TANC1: variants seen among roughly 807,000 people sequenced by gnomAD.
TANC1 encodes the protein tetratricopeptide repeat, ankyrin repeat and coiled-coil containing 1, also known as protein TANC1.
Under a neutral mutation model 149.7 loss-of-function variants are expected in TANC1, and 77 were observed. The ratio of observed to expected loss-of-function variants is 0.51; its 90% CI spans 0.43 to 0.62. The LOEUF (loss-of-function observed/expected upper bound fraction) is 0.62, where lower values mean the gene tolerates loss of function less well. Among genes scored for constraint, TANC1 ranks in the 20% least tolerant of loss-of-function variants. The pLI is 0.00. For missense variants in TANC1, 1,985 were observed against 2,321.8 expected, an observed-to-expected ratio of 0.85 and a Z score of 2.98; for synonymous variants, 854 against 925.0, an observed-to-expected ratio of 0.92 and a Z score of 1.39.
At chr2:159,040,018 T>G (rs1184743922) in intron 2 of TANC1, among the ~76,000 whole-genome samples, 4 of 152,236 alleles carry the variant, frequency 2.6e-5, no homozygotes, top group Admixed American at 2.6e-4. Flanking sequence ...GGACTTGCTT[T>G]ATGAATCTGG....
intron 1 of TANC1, among the ~76,000 whole-genome samples, chr2:158,978,535 A>C (rs1385502514): frequency 6.6e-6 from 1 of 152,194 alleles, no homozygotes; most frequent in African/African-American, 2.4e-5. Context: ...TTCAAGGGAG[A>C]GTCCTTGTGG....
chr2:159,141,799 A>C (rs2051401996), intron 5 of TANC1, among the ~76,000 whole-genome samples: 1 of 152,212 alleles, frequency 6.6e-6, no homozygotes, highest in East Asian at 1.9e-4. Context: ...ACTAAGGTGC[A>C]AGGAGCACCA....
At chr2:158,988,023 T>C (rs2035204748) in intron 1 of TANC1, among the ~76,000 whole-genome samples, 1 of 152,154 alleles carries the variant, frequency 6.6e-6, no homozygotes, top group South Asian at 2.1e-4. Context: ...TTGTGGTTGA[T>C]GGTTATCAAG....
intron 4 of TANC1, among the ~76,000 whole-genome samples, chr2:159,115,187 TGTGTGTGTGTATGTGTGTCC>T (rs2048120181): frequency 2.6e-5 from 4 of 151,884 alleles, no homozygotes; most frequent in South Asian, 2.1e-4. Context: ...TGTGTGTGTG[TGTGTGTGTGTATGTGTGTCC>T]GTGTGTGTGT....
chr2:159,208,109 A>G (rs1228865042), intron 19 of TANC1, among the ~76,000 whole-genome samples: 1 of 152,208 alleles, frequency 6.6e-6, no homozygotes, highest in Non-Finnish European at 1.5e-5. Flanking sequence ...CACCTGGTTC[A>G]AAAGGTTCTT....
intron 11 of TANC1, 85 bp downstream of exon 11, chr2:159,172,357 T>C: frequency 7.9e-7 from 1 of 1,273,436 alleles, no homozygotes; most frequent in Non-Finnish European, 1.1e-6. Context: ...AAAGGGAGCT[T>C]AAAACAGAGA....
At chr2:159,007,988 A>G (rs2037387098) in intron 2 of TANC1, among the ~76,000 whole-genome samples, 1 of 152,232 alleles carries the variant, frequency 6.6e-6, no homozygotes, top group Non-Finnish European at 1.5e-5. Flanking sequence ...ATTTTCTAAG[A>G]TTGTCAATCC....
intron 3 of TANC1, among the ~76,000 whole-genome samples, chr2:159,075,410 A>C (rs551254523): frequency 1.8e-5 from 2 of 111,282 alleles, no homozygotes; most frequent in East Asian, 4.6e-4. Flanking sequence ...TATTAAAAAA[A>C]AAAAACAAAA....
At chr2:159,187,309 C>A (rs1361224131) in intron 16 of TANC1, among the ~76,000 whole-genome samples, 1 of 152,198 alleles carries the variant, frequency 6.6e-6, no homozygotes. Context: ...CAAAAGAAAT[C>A]AAAGATCAGA....
At position 159,219,552 on chromosome 2, in the gene TANC1, G is replaced by A. The variant is rs114695325; in HGVS notation, c.3503-140G>A. 8.1e-4 allele frequency: 1,037 copies of A among 1,277,712 alleles called. 10 individuals carry two copies. The African/African-American group carries it at 0.014, about 17-fold the overall frequency. 79.1% of individuals were successfully genotyped at this position (1,277,712 alleles called of 1,614,324 possible). On this transcript the variant is annotated intron_variant, in intron 21 of 26. Transcript: ENST00000263635. ...TTCAGCAGCGATGACCATTCTGCCA[G>A]CCCATCCGGCCAGTGTCACCCTTCA...
intron 2 of TANC1, among the ~76,000 whole-genome samples, chr2:159,058,165 G>A (rs2149639648): frequency 6.6e-6 from 1 of 152,274 alleles, no homozygotes; most frequent in Admixed American, 6.5e-5. Flanking sequence ...GAAGGAGAGT[G>A]TATTGATTTC....
intron 4 of TANC1, among the ~76,000 whole-genome samples, chr2:159,129,378 A>G (rs764551810): frequency 1.3e-5 from 2 of 152,206 alleles, no homozygotes; most frequent in Non-Finnish European, 2.9e-5. Flanking sequence ...GTCAAAAAGC[A>G]GGAAAACTGG....
At chr2:159,149,015 A>G (rs1008134813) in intron 5 of TANC1, 127 bp from the exon 6 acceptor site, 2 of 1,150,082 alleles carry the variant, frequency 1.7e-6, no homozygotes, top group Non-Finnish European at 2.5e-6. Flanking sequence ...TGCGTTGTCC[A>G]ACTTTGTGCG....
intron 2 of TANC1, among the ~76,000 whole-genome samples, chr2:159,023,753 G>A (rs2039020461): frequency 6.6e-6 from 1 of 152,054 alleles, no homozygotes; most frequent in South Asian, 2.1e-4. Context: ...GATCACCTGA[G>A]GTCAGGAGTT....
chr2:159,228,943 G>T, intron 26 of TANC1, 47 bp downstream of exon 26: 3 of 1,457,116 alleles, frequency 2.1e-6, no homozygotes, highest in Non-Finnish European at 1.9e-6. Flanking sequence ...TTTCTTGTGG[G>T]ATCAAACCTG....
chr2:159,174,219 G>C (rs534956762), intron 11 of TANC1, among the ~76,000 whole-genome samples: 3 of 152,200 alleles, frequency 2.0e-5, no homozygotes. Context: ...TCAGCGTCTG[G>C]CCCTTTCGTG....
At chr2:159,022,577 T>A (rs2038915651) in intron 2 of TANC1, among the ~76,000 whole-genome samples, 1 of 152,084 alleles carries the variant, frequency 6.6e-6, no homozygotes, top group African/African-American at 2.4e-5. Flanking sequence ...AAACCCCATC[T>A]CTACTAAAAA....
intron 1 of TANC1, among the ~76,000 whole-genome samples, chr2:158,999,087 A>G (rs2036399958): frequency 6.6e-6 from 1 of 152,194 alleles, no homozygotes; most frequent in African/African-American, 2.4e-5. Flanking sequence ...ATCAGGAACC[A>G]AAGCCTGAGG....
chr2:159,017,547 A>G (rs554263920), intron 2 of TANC1, among the ~76,000 whole-genome samples: 1 of 152,242 alleles, frequency 6.6e-6, no homozygotes, highest in African/African-American at 2.4e-5. Flanking sequence ...GAAGACTGTG[A>G]ATGCAGACTG....
Sources: allele counts gnomAD v4.1 joint callset (sites outside exome capture counted in the v4.1 genomes callset), GRCh38; gene constraint gnomAD v4.1.1; transcripts MANE v1.5; gene names NCBI Gene and HGNC (gene_info 2026-07-23, HGNC 2026-07-21).